INPP5F: variants seen among roughly 807,000 people sequenced by gnomAD.
INPP5F encodes phosphatidylinositide 4-phosphatase SAC2.
A neutral mutation model predicts 137.2 loss-of-function variants in INPP5F; 97 were observed. The ratio of observed to expected loss-of-function variants is 0.71; its 90% CI spans 0.60 to 0.84. The LOEUF (loss-of-function observed/expected upper bound fraction) is 0.84. Among genes scored for constraint, INPP5F ranks in the 40% least tolerant of loss-of-function variants. INPP5F has a pLI of 0.00. For synonymous variants in INPP5F, 504 were observed against 476.9 expected, an observed-to-expected ratio of 1.06 and a Z score of -0.74; for missense variants, 1,271 against 1,371.9, an observed-to-expected ratio of 0.93 and a Z score of 1.16.
chr10:119,770,167 G>GTCTCTC (rs934852160), intron 2 of INPP5F, among the ~76,000 whole-genome samples: 1 of 151,930 alleles, frequency 6.6e-6, no homozygotes, highest in African/African-American at 2.4e-5. Context: ...AGGTTTCCTT[G>GTCTCTC]TCTCTCTTTT....
intron 2 of INPP5F, among the ~76,000 whole-genome samples, chr10:119,771,872 ATATATATATATTTTTTTTTTTTTT>A (rs1164026277): frequency 2.2e-4 from 4 of 18,286 alleles, no homozygotes; most frequent in East Asian, 2.3e-3. Context: ...ATATATATAT[ATATATATATATTTTTTTTTTTTTT>A]TTTTTTTTTT....
chr10:119,788,671 T>A (rs1377384612), intron 3 of INPP5F, among the ~76,000 whole-genome samples: 2 of 152,126 alleles, frequency 1.3e-5, no homozygotes, highest in Non-Finnish European at 2.9e-5. Context: ...GGAATGGATT[T>A]AAAAGAAGAT....
intron 3 of INPP5F, among the ~76,000 whole-genome samples, chr10:119,785,453 T>A (rs1046149744): frequency 1.2e-4 from 18 of 151,300 alleles, no homozygotes; most frequent in Admixed American, 1.2e-3. Context: ...ACCCGACTCA[T>A]TTTTTGTATT....
At position 119,783,846 on chromosome 10, in the gene INPP5F, C is replaced by A. The variant is rs554019860; in HGVS notation, c.315+2075C>A. On this transcript the variant is annotated intron_variant, in intron 3 of 19. Transcript: ENST00000650623. Reference sequence around the variant, plus strand: ...AAACTACCGTACTTCTCAGGGCCAGCGAGATCGTGGTTCACGTTAAGAGTT... The same window carrying A: ...AAACTACCGTACTTCTCAGGGCCAGAGAGATCGTGGTTCACGTTAAGAGTT... Among the ~76,000 whole-genome samples, 8 of 152,270 alleles carry A rather than the reference C, an allele frequency of 5.3e-5. 1 individual carries two copies. In the South Asian group the frequency reaches 1.0e-3, roughly 20 times the overall value.
At chr10:119,771,287 A>T (rs1849326509) in intron 2 of INPP5F, among the ~76,000 whole-genome samples, 1 of 152,196 alleles carries the variant, frequency 6.6e-6, no homozygotes, top group Admixed American at 6.5e-5. Flanking sequence ...ATGTATCAGC[A>T]CTTCATTCCT....
intron 1 of INPP5F, among the ~76,000 whole-genome samples, chr10:119,734,622 CT>C (rs1848171133): frequency 6.6e-6 from 1 of 152,198 alleles, no homozygotes; most frequent in Admixed American, 6.5e-5. Context: ...GCATGAGCCA[CT>C]GCACCTAATA....
At chr10:119,795,496 C>G (rs564162815) in intron 6 of INPP5F, among the ~76,000 whole-genome samples, 1 of 151,292 alleles carries the variant, frequency 6.6e-6, no homozygotes, top group African/African-American at 2.4e-5. Context: ...CGGGCAGAGA[C>G]GCTCCTCACT....
intron 1 of INPP5F, among the ~76,000 whole-genome samples, chr10:119,726,974 C>G (rs1284402565): frequency 6.6e-6 from 1 of 152,148 alleles, no homozygotes; most frequent in Non-Finnish European, 1.5e-5. Context: ...TTTTGTGTGA[C>G]TTGATGTTGT....
At chr10:119,822,219 A>C (rs986847287) in intron 16 of INPP5F, among the ~76,000 whole-genome samples, 2 of 151,928 alleles carry the variant, frequency 1.3e-5, no homozygotes, top group Non-Finnish European at 2.9e-5. Context: ...TAGATGTGTA[A>C]ACTTATTTTC....
chr10:119,765,916 A>G lies in INPP5F; in HGVS notation c.178+14760A>G, dbSNP rs552159129. Reference sequence around the variant, plus strand: ...AGAGAGAGACGGAGATTTAACATCTATACCGAAATTATTACTTACAGAGAT... The same window carrying G: ...AGAGAGAGACGGAGATTTAACATCTGTACCGAAATTATTACTTACAGAGAT... On this transcript the variant is annotated intron_variant, in intron 2 of 19. Transcript: ENST00000650623. Among the ~76,000 whole-genome samples the G allele has an allele frequency of 3.3e-5, 5 of 150,718 alleles. No homozygotes were observed. In the South Asian group the frequency reaches 8.3e-4, roughly 25 times the overall value.
chr10:119,762,178 A>G (rs908191980), intron 2 of INPP5F, among the ~76,000 whole-genome samples: 20 of 152,164 alleles, frequency 1.3e-4, no homozygotes, highest in African/African-American at 4.6e-4. Flanking sequence ...ACTGTGTATA[A>G]TAGTTCTTTG....
chr10:119,736,811 C>T (rs1357685322), intron 1 of INPP5F, among the ~76,000 whole-genome samples: 1 of 152,132 alleles, frequency 6.6e-6, no homozygotes, highest in Non-Finnish European at 1.5e-5. Context: ...AATTAGATCC[C>T]TTTTTAAATA....
chr10:119,804,969 C>T lies in INPP5F; in HGVS notation c.1242-415C>T, dbSNP rs1273116684. 2.0e-5 allele frequency among the ~76,000 whole-genome samples: 3 copies of T among 152,276 alleles called. No homozygotes were observed. The East Asian group carries it at 5.8e-4, about 29-fold the overall frequency. On this transcript the variant is annotated intron_variant, in intron 10 of 19. Coordinates refer to ENST00000650623, the MANE Select transcript of INPP5F (RefSeq NM_014937.4). ...CTCAAACTCCTGACCTCAAGTCATC[C>T]GCCCACCTTGGCCTCCCAAAGTACT... is the stretch of plus-strand genomic sequence containing the variant.
chr10:119,745,741 G>A (rs1405546351), intron 1 of INPP5F, among the ~76,000 whole-genome samples: 1 of 115,772 alleles, frequency 8.6e-6, no homozygotes, highest in Admixed American at 1.2e-4. Flanking sequence ...GCCTCACTCT[G>A]TTAGCCAGGC....
chr10:119,753,410 A>G (rs1848743036), intron 2 of INPP5F, among the ~76,000 whole-genome samples: 1 of 152,214 alleles, frequency 6.6e-6, no homozygotes, highest in Non-Finnish European at 1.5e-5. Flanking sequence ...GCTTAAAACA[A>G]CAACAGTGTA....
chr10:119,745,833 T>C (rs1280594107), intron 1 of INPP5F, among the ~76,000 whole-genome samples: 7 of 151,208 alleles, frequency 4.6e-5, no homozygotes, highest in Non-Finnish European at 8.8e-5. Flanking sequence ...GCCTCCTGAG[T>C]AGCTGGGATT....
rs901021579 is a variant in INPP5F at position 119,827,364 on chromosome 10, G to A, written c.2983G>A (p.Val995Ile). 32 of 1,614,192 alleles carry A rather than the reference G, an allele frequency of 2.0e-5. No individual in the cohort carries two copies. The highest frequency in any genetic ancestry group is 1.6e-4 in the Middle Eastern group (1 of 6,062). ...SQERNQMTNQ[V>I]SNETQSESTE... is the part of the protein sequence containing the mutation. ...GGAAAGAAATCAAATGACCAATCAA[G>A]TTTCAAATGAAACCCAATCAGAATC... The change falls in exon 20 of 20, where the codon GTT (valine) becomes ATT (isoleucine). Residue 995 changes from valine to isoleucine, a missense_variant. Transcript: ENST00000650623.
At chr10:119,794,643 G>C (rs962061518) in intron 6 of INPP5F, among the ~76,000 whole-genome samples, 2 of 150,126 alleles carry the variant, frequency 1.3e-5, no homozygotes, top group African/African-American at 2.5e-5. Context: ...CTGGCCAGGT[G>C]GGGGGCTGAC....
chr10:119,733,321 T>C (rs986406435), intron 1 of INPP5F, among the ~76,000 whole-genome samples: 5 of 152,238 alleles, frequency 3.3e-5, no homozygotes, highest in African/African-American at 1.2e-4. Flanking sequence ...ATGTAATGAA[T>C]TGACTAGTAG....
Sources: gnomAD v4.1 joint callset for allele counts (sites outside exome capture counted in the v4.1 genomes callset) on GRCh38, gnomAD v4.1.1 for gene constraint, MANE v1.5 for transcripts, NCBI Gene and HGNC (gene_info 2026-07-23, HGNC 2026-07-21) for gene names.